The following PRR16 variants were observed in gnomAD, a reference collection of about 807,000 sequenced individuals.
The protein encoded by PRR16 is protein Largen.
A neutral mutation model predicts 18.2 loss-of-function variants in PRR16; 6 were observed. The ratio of observed to expected loss-of-function variants is 0.33; its 90% CI spans 0.18 to 0.65. The LOEUF is 0.65. PRR16 is among the 30% of genes least tolerant of loss of function. The pLI, the probability that PRR16 is intolerant of heterozygous loss-of-function variation, is 0.74. For synonymous variants in PRR16, 151 were observed against 147.8 expected (o/e 1.02, Z -0.16); for missense variants, 412 against 376.6 (o/e 1.09, Z -0.78).
the PRR16 span, among the ~76,000 whole-genome samples, chr5:120,770,950 T>TCTCTCTCTCTCTCTCTCA: frequency 5.4e-5 from 8 of 148,870 alleles, no homozygotes; most frequent in African/African-American, 2.0e-4. Flanking sequence ...TCTCTCTCTC[T>TCTCTCTCTCTCTCTCTCA]CACACACACA....
the PRR16 span, among the ~76,000 whole-genome samples, chr5:120,716,909 G>A: frequency 5.1e-4 from 78 of 152,008 alleles, no homozygotes; most frequent in African/African-American, 1.8e-3. Context: ...AAAAATCATG[G>A]TCCTTGAATG....
chr5:120,624,784 C>A (rs1490174987), intron 1 of PRR16, among the ~76,000 whole-genome samples: 2 of 152,142 alleles, frequency 1.3e-5, no homozygotes, highest in Non-Finnish European at 2.9e-5. Flanking sequence ...CAAATGTCAT[C>A]TTGTAGCCTC....
chr5:120,635,449 A>G (rs192434133), intron 1 of PRR16, among the ~76,000 whole-genome samples: 1 of 152,298 alleles, frequency 6.6e-6, no homozygotes, highest in Non-Finnish European at 1.5e-5. Flanking sequence ...CCAGGGATGC[A>G]GGGATGGTTT....
In PRR16 at chr5:120,676,116, A is replaced by G. The variant is rs1305118578; in HGVS notation, c.160-9838A>G. Among the ~76,000 whole-genome samples the G allele has an allele frequency of 5.3e-5, 8 of 151,756 alleles. No individual in the cohort carries two copies. The South Asian group carries it at 1.7e-3, about 32-fold the overall frequency. On this transcript the variant is annotated intron_variant, in intron 1 of 1. Coordinates refer to ENST00000407149, the MANE Select transcript of PRR16 (RefSeq NM_001300783.2). ...TATGTGCCTCTGTGTGGGTGTGTGT[A>G]TTTTATTGTCACTGTTTGTTTTAGT...
chr5:120,624,845 T>C (rs1485956791), intron 1 of PRR16, among the ~76,000 whole-genome samples: 1 of 152,008 alleles, frequency 6.6e-6, no homozygotes, highest in Non-Finnish European at 1.5e-5. Context: ...GATTGAATCA[T>C]GGGGGGTGGA....
intron 1 of PRR16, among the ~76,000 whole-genome samples, chr5:120,655,388 TA>T (rs1554092374): frequency 4.9e-4 from 71 of 143,604 alleles, no homozygotes; most frequent in African/African-American, 1.4e-3. Context: ...TTTTTTTTTT[TA>T]AAAAAAAAGA....
At chr5:120,563,697 A>T (rs1441775404) in intron 1 of PRR16, among the ~76,000 whole-genome samples, 1 of 152,172 alleles carries the variant, frequency 6.6e-6, no homozygotes, top group Non-Finnish European at 1.5e-5. Context: ...TTGGAGTTGG[A>T]GATCCAAATG....
rs778798812 is a variant in PRR16, at chr5:120,597,741, A to G, written c.160-88213A>G. Among the ~76,000 whole-genome samples, 104 of 151,808 alleles carry G rather than the reference A, an allele frequency of 6.9e-4. 1 individual carries two copies. Among genetic ancestry groups the G allele is most frequent in the Admixed American group, 1.4e-3 (22 of 15,194 alleles). ...GGATATTTAGGAGCGTGATTCTTCC[A>G]AATCTGTAAGGCTCAGTTATCTTTC... On this transcript the variant is annotated intron_variant, in intron 1 of 1. Transcript: ENST00000407149.
chr5:120,690,557 T>C (rs1757196968), downstream of PRR16, among the ~76,000 whole-genome samples: 1 of 152,160 alleles, frequency 6.6e-6, no homozygotes, highest in African/African-American at 2.4e-5. Flanking sequence ...TAAATTTCTA[T>C]AAAAAGCCAT....
At chr5:120,777,929 C>T in the PRR16 span, among the ~76,000 whole-genome samples, 3 of 152,032 alleles carry the variant, frequency 2.0e-5, no homozygotes, top group African/African-American at 7.2e-5. Flanking sequence ...CATTGAGAAC[C>T]AAACACTGAA....
At chr5:120,618,612 A>G in intron 1 of PRR16, 3 of 861,114 alleles carry the variant, frequency 3.5e-6, no homozygotes, top group South Asian at 5.4e-5. Flanking sequence ...TGGACAAAAA[A>G]GGTATACTGA....
chr5:120,516,540 A>G (rs567370703), intron 1 of PRR16, among the ~76,000 whole-genome samples: 1 of 151,476 alleles, frequency 6.6e-6, no homozygotes, highest in East Asian at 1.9e-4. Context: ...ATTAGAAGGC[A>G]TTTATACTAT....
the PRR16 span, among the ~76,000 whole-genome samples, chr5:120,720,544 A>AT: frequency 2.0e-5 from 3 of 151,820 alleles, no homozygotes; most frequent in Non-Finnish European, 4.4e-5. Context: ...ATATCTGCCA[A>AT]TTTTTTTCTG....
At chr5:120,602,244 G>C (rs1027871675) in intron 1 of PRR16, among the ~76,000 whole-genome samples, 5 of 151,772 alleles carry the variant, frequency 3.3e-5, no homozygotes, top group Non-Finnish European at 7.4e-5. Flanking sequence ...TCTTTTACTA[G>C]TGTTGTGCAA....
intron 1 of PRR16, among the ~76,000 whole-genome samples, chr5:120,486,751 G>C (rs1172445419): frequency 6.6e-6 from 1 of 152,112 alleles, no homozygotes; most frequent in African/African-American, 2.4e-5. Context: ...TATTGCCTAG[G>C]TTTTCTTCTA....
intron 1 of PRR16, among the ~76,000 whole-genome samples, chr5:120,683,285 G>A (rs1188272768): frequency 2.0e-5 from 3 of 152,074 alleles, no homozygotes; most frequent in African/African-American, 7.2e-5. Context: ...GAGGTCAGGC[G>A]TTTGAGACCA....
chr5:120,663,128 G>A (rs1419531641), intron 1 of PRR16, among the ~76,000 whole-genome samples: 1 of 152,034 alleles, frequency 6.6e-6, no homozygotes, highest in African/African-American at 2.4e-5. Context: ...AAATGCGAGG[G>A]CTTTTGTTAT....
intron 1 of PRR16, among the ~76,000 whole-genome samples, chr5:120,509,346 A>G (rs1252740569): frequency 6.6e-6 from 1 of 152,078 alleles, no homozygotes; most frequent in Non-Finnish European, 1.5e-5. Flanking sequence ...TTTTGGTATC[A>G]AGTGAGAATA....
chr5:120,494,216 C>T (rs747446399), intron 1 of PRR16, among the ~76,000 whole-genome samples: 1 of 152,092 alleles, frequency 6.6e-6, no homozygotes, highest in Non-Finnish European at 1.5e-5. Flanking sequence ...CTACTTTTTT[C>T]TAGTTATTCT....
Sources: allele counts gnomAD v4.1 joint callset (sites outside exome capture counted in the v4.1 genomes callset), GRCh38; gene constraint gnomAD v4.1.1; transcripts MANE v1.5; gene names NCBI Gene and HGNC (gene_info 2026-07-23, HGNC 2026-07-21).